The following PRKCE variants were observed in gnomAD, a reference collection of about 807,000 sequenced individuals.
PRKCE encodes the protein protein kinase C epsilon, also known as protein kinase C epsilon type.
In PRKCE, 16 loss-of-function variants were observed where a neutral mutation model predicts 85.4. The ratio of observed to expected loss-of-function variants is 0.19; its 90% CI spans 0.13 to 0.28. The LOEUF (loss-of-function observed/expected upper bound fraction) is 0.28, where lower values mean the gene tolerates loss of function less well. Ranked by LOEUF, PRKCE falls within the 10% of genes least tolerant of loss-of-function variation. The pLI is 1.00. For missense variants in PRKCE, 573 were observed against 975.2 expected (o/e 0.59, Z 5.49); for synonymous variants, 388 against 371.5 (o/e 1.04, Z -0.51).
intron 1 of PRKCE, among the ~76,000 whole-genome samples, chr2:45,682,218 C>T (rs1558552028): frequency 6.6e-6 from 1 of 152,060 alleles, no homozygotes; most frequent in Non-Finnish European, 1.5e-5. Flanking sequence ...ATTTCTTATT[C>T]TTTTTTTCAG....
intron 10 of PRKCE, among the ~76,000 whole-genome samples, chr2:46,019,616 GA>G (rs1354283322): frequency 6.6e-6 from 1 of 152,184 alleles, no homozygotes. Context: ...TTTGTAGCCA[GA>G]AGTATACTTA....
In PRKCE at chr2:46,139,999, A is replaced by G. The variant is rs777379389; in HGVS notation, c.1593-5094A>G. ...AAATCTGCCATAAAATGTCATAAGA[A>G]ATTTATAAGATCTATATGAGAGAAT... On this transcript the variant is annotated intron_variant, in intron 11 of 14. Transcript: ENST00000306156. This position sits in a 1 kb window ranked among gnomAD's most constrained non-coding sequence, Gnocchi z 5.2. 6.6e-6 allele frequency among the ~76,000 whole-genome samples: 1 copy of G among 152,158 alleles called. No individual in the cohort carries two copies. Among genetic ancestry groups the G allele is most frequent in the Non-Finnish European group, 1.5e-5 (1 of 68,014 alleles).
chr2:45,792,794 A>G (rs752422299), intron 1 of PRKCE, among the ~76,000 whole-genome samples: 1 of 152,176 alleles, frequency 6.6e-6, no homozygotes, highest in African/African-American at 2.4e-5. Flanking sequence ...GGTAGGTGGT[A>G]TAATTAATTA....
chr2:46,137,596 CAAA>C (rs755179864), intron 11 of PRKCE, among the ~76,000 whole-genome samples: 1 of 77,836 alleles, frequency 1.3e-5, no homozygotes, highest in Non-Finnish European at 2.7e-5. Context: ...ACTAAAATTA[CAAA>C]AAAAAAAAAA....
chr2:46,112,353 G>T (rs960292937), intron 11 of PRKCE, among the ~76,000 whole-genome samples: 1 of 151,954 alleles, frequency 6.6e-6, no homozygotes, highest in Non-Finnish European at 1.5e-5. Context: ...GTTTTGGTTT[G>T]CTTGCTTGTT....
At chr2:45,819,237 G>A (rs58926692) in intron 1 of PRKCE, among the ~76,000 whole-genome samples, 11,162 of 152,234 alleles carry the variant, frequency 0.073, 643 homozygotes, top group African/African-American at 0.16. Flanking sequence ...CCACTTTGCA[G>A]ATCAAGAGTG....
At position 46,007,554 on chromosome 2, in the gene PRKCE, C is replaced by A; in HGVS notation, c.1156C>A (p.Leu386Met). The A allele has an allele frequency of 1.3e-6, 2 of 1,599,796 alleles. No individual in the cohort carries two copies. Among genetic ancestry groups the A allele is most frequent in the Non-Finnish European group, 1.7e-6 (2 of 1,179,968 alleles). Residue 386 changes from leucine to methionine, a missense_variant, in exon 9 of 15, where the codon CTG becomes ATG. Around this residue, in one of 11 missense-constraint regions of PRKCE, gnomAD observed 117 missense variants for 104.8 expected, o/e 1.12. Coordinates refer to ENST00000306156, the MANE Select transcript of PRKCE (RefSeq NM_005400.3). ...GGCAGCATCGTCTCCTGATGGCCAG[C>A]TGATGAGCCCCGGTGAGAATGGCGA... is the stretch of plus-strand genomic sequence containing the variant. ...HRAASSPDGQLMSPGENGEVR... is the reference protein window; with the variant it reads ...HRAASSPDGQMMSPGENGEVR...
chr2:46,066,657 A>C (rs1667650170), intron 10 of PRKCE, among the ~76,000 whole-genome samples: 1 of 152,182 alleles, frequency 6.6e-6, no homozygotes, highest in South Asian at 2.1e-4. Context: ...AGCAGGACAG[A>C]AGTTTCTCGC....
intron 1 of PRKCE, among the ~76,000 whole-genome samples, chr2:45,671,285 C>A (rs879764771): frequency 3.3e-5 from 5 of 152,136 alleles, no homozygotes; most frequent in Non-Finnish European, 7.4e-5. Context: ...CAGGACAAGA[C>A]CCAGGGAAGT....
chr2:45,761,057 G>A (rs973183030), intron 1 of PRKCE, among the ~76,000 whole-genome samples: 1 of 152,144 alleles, frequency 6.6e-6, no homozygotes, highest in African/African-American at 2.4e-5. Flanking sequence ...GCCGGGCATG[G>A]TGGCTCACGC....
chr2:46,108,550 A>G (rs1178522230), intron 11 of PRKCE, among the ~76,000 whole-genome samples: 2 of 152,216 alleles, frequency 1.3e-5, no homozygotes, highest in African/African-American at 4.8e-5. Context: ...CTCGATGGGT[A>G]CAATGTTCAT....
intron 10 of PRKCE, among the ~76,000 whole-genome samples, chr2:46,020,257 G>A (rs1706536061): frequency 6.6e-6 from 1 of 151,904 alleles, no homozygotes; most frequent in Admixed American, 6.6e-5. Flanking sequence ...AGAGGAGGAT[G>A]TACACGCACC....
At chr2:46,089,663 G>A (rs999145439) in intron 11 of PRKCE, among the ~76,000 whole-genome samples, 6 of 152,198 alleles carry the variant, frequency 3.9e-5, no homozygotes, top group East Asian at 1.9e-4. Context: ...CACAGGCCGC[G>A]GGTTGGGGAA....
Position 46,153,565 on chromosome 2 carries a change from A to G in PRKCE, c.1920+2336A>G, listed in dbSNP as rs113751712. Among the ~76,000 whole-genome samples the G allele has an allele frequency of 4.1e-3, 620 of 152,294 alleles. 8 individuals carry two copies. The highest frequency in any genetic ancestry group is 0.014 in the African/African-American group (596 of 41,558). On this transcript the variant is annotated intron_variant, in intron 13 of 14. Transcript: ENST00000306156. ...GGGACACTAAGGCGAGGTTTCAGTC[A>G]GGTGGCTACTGGGGGAAAGGGCGTC...
At chr2:46,097,049 G>A (rs1670756159) in intron 11 of PRKCE, among the ~76,000 whole-genome samples, 1 of 152,150 alleles carries the variant, frequency 6.6e-6, no homozygotes, top group Non-Finnish European at 1.5e-5. Flanking sequence ...GGAGCAGGTT[G>A]GTGGATATGT....
rs567546063 is a variant in PRKCE at position 45,946,796 on chromosome 2, C to G, written c.413-29633C>G. Among the ~76,000 whole-genome samples, 109 of 152,338 alleles carry G rather than the reference C, an allele frequency of 7.2e-4. 3 individuals carry two copies. Among genetic ancestry groups the G allele is most frequent in the Middle Eastern group, 3.4e-3 (1 of 294 alleles). On this transcript the variant is annotated intron_variant, in intron 2 of 14. Transcript: ENST00000306156. ...CAATAAACATGGGTGTGACCATGTT[C>G]TGGAACAGTTCAGGATGCTGCACCA...
intron 1 of PRKCE, among the ~76,000 whole-genome samples, chr2:45,752,651 G>A (rs1436113666): frequency 1.3e-5 from 2 of 152,152 alleles, no homozygotes; most frequent in East Asian, 3.9e-4. Flanking sequence ...AGACACTGAA[G>A]CAGGGCCTTG....
intron 1 of PRKCE, chr2:45,701,237 C>T (rs1042881459): frequency 1.3e-5 from 2 of 152,178 alleles, no homozygotes; most frequent in East Asian, 1.9e-4. Context: ...AAAACGGGCA[C>T]ATTTTATTTT....
At chr2:45,809,657 G>A (rs1688508650) in intron 1 of PRKCE, among the ~76,000 whole-genome samples, 1 of 151,774 alleles carries the variant, frequency 6.6e-6, no homozygotes, top group African/African-American at 2.4e-5. Context: ...GCTGAGGTGG[G>A]CGGATCACCT....
Sources: allele counts gnomAD v4.1 joint callset (sites outside exome capture counted in the v4.1 genomes callset), GRCh38; gene constraint gnomAD v4.1.1; regional missense constraint gnomAD v4.1.1; non-coding constraint Gnocchi (gnomAD v3.1); transcripts MANE v1.5; gene names NCBI Gene and HGNC (gene_info 2026-07-23, HGNC 2026-07-21).